Variants in HECTD4 observed in about 807,000 individuals in gnomAD.
HECTD4 encodes HECT domain E3 ubiquitin protein ligase 4.
HECTD4 carries 114 observed loss-of-function variants against 471.5 expected under a neutral mutation model. The ratio of observed to expected loss-of-function variants is 0.24; its 90% confidence interval spans 0.21 to 0.28. The LOEUF (loss-of-function observed/expected upper bound fraction) is 0.28, where lower values mean the gene tolerates loss of function less well. HECTD4 is among the 10% of genes least tolerant of loss of function. HECTD4 has a pLI of 1.00. For missense variants in HECTD4, 3,866 were observed against 5,651.5 expected, an observed-to-expected ratio of 0.68 and a Z score of 10.13; for synonymous variants, 2,012 against 2,256.0, an observed-to-expected ratio of 0.89 and a Z score of 3.07.
chr12:112,250,176 C>T lies in HECTD4; in HGVS notation c.3918G>A (p.Gly1306=), dbSNP rs1243712332. The T allele has an allele frequency of 1.2e-6, 2 of 1,613,894 alleles. No homozygotes were observed. Among genetic ancestry groups the T allele is most frequent in the Middle Eastern group, 1.6e-4 (1 of 6,062 alleles). The change falls in exon 25 of 76, where the codon GGG becomes GGA. Residue 1306 remains glycine (G), a synonymous_variant. Coordinates refer to ENST00000682272, the MANE Select transcript of HECTD4 (RefSeq NM_001388303.1). ...TTGGTCTAAATTGAGGTCTAGCACG[C>T]CCAGAAATTTCCCTGAGCTTTATCA... The part of the protein sequence containing the change: ...GIMIKLREIS[G]RARPQFRPSI...
intron 1 of HECTD4, among the ~76,000 whole-genome samples, chr12:112,335,167 G>GACACACAC (rs1441996873): frequency 7.9e-6 from 1 of 126,474 alleles, no homozygotes; most frequent in Non-Finnish European, 1.5e-5. Flanking sequence ...CACACACACA[G>GACACACAC]ACACACACAC....
intron 1 of HECTD4, among the ~76,000 whole-genome samples, chr12:112,333,378 G>A (rs2135717519): frequency 6.6e-6 from 1 of 152,330 alleles, no homozygotes; most frequent in South Asian, 2.1e-4. Context: ...ATGTATTTCT[G>A]ATTATAGTCA....
At chr12:112,338,393 G>A (rs1228634275) in intron 1 of HECTD4, among the ~76,000 whole-genome samples, 1 of 152,142 alleles carries the variant, frequency 6.6e-6, no homozygotes, top group East Asian at 1.9e-4. Flanking sequence ...GGCTCAAGTG[G>A]GCAGATCACT....
At position 112,235,342 on chromosome 12, in the gene HECTD4, G is replaced by T; in HGVS notation, c.5726-76C>A. 6.6e-7 allele frequency: 1 copy of T among 1,519,842 alleles called. No homozygotes were observed. 94.1% of individuals were successfully genotyped at this position (1,519,842 alleles called of 1,614,324 possible). On this transcript the variant is annotated intron_variant, in intron 36 of 75. Coordinates refer to ENST00000682272, the MANE Select transcript of HECTD4 (RefSeq NM_001388303.1). This position sits in a 1 kb window ranked among gnomAD's most constrained non-coding sequence, Gnocchi z 5.0. ...CGGCTCTGCTAAAATGAAAAATAAT[G>T]GTTTGGGATTTGGAATCTTTCTTCC...
chr12:112,247,988 A>G, intron 27 of HECTD4, 79 bp downstream of exon 27: 1 of 959,584 alleles, frequency 1.0e-6, no homozygotes, highest in Non-Finnish European at 1.6e-6. Context: ...ACACACACAC[A>G]CACACACACA....
chr12:112,215,789 GCCACCA>G (rs1378978690), intron 48 of HECTD4, among the ~76,000 whole-genome samples: 1 of 152,028 alleles, frequency 6.6e-6, no homozygotes, highest in African/African-American at 2.4e-5. Flanking sequence ...ACAGGCATGC[GCCACCA>G]CTAATTTTTG....
intron 35 of HECTD4, 77 bp downstream of exon 35, chr12:112,236,868 A>G (rs1480534658): frequency 7.5e-7 from 1 of 1,338,586 alleles, no homozygotes; most frequent in Non-Finnish European, 9.8e-7. Flanking sequence ...TGAAAAGACA[A>G]CCACCACCAA....
At chr12:112,212,074 G>T (rs1448384082) in intron 49 of HECTD4, among the ~76,000 whole-genome samples, 1 of 152,190 alleles carries the variant, frequency 6.6e-6, no homozygotes, top group East Asian at 1.9e-4. Context: ...TATGTATGAG[G>T]ATGCTGGTTA....
chr12:112,380,613 T>C (rs1406778758), intron 1 of HECTD4, among the ~76,000 whole-genome samples: 4 of 151,996 alleles, frequency 2.6e-5, no homozygotes, highest in African/African-American at 9.7e-5. Flanking sequence ...CAGGCCCAAA[T>C]GAGACACAAT....
At chr12:112,359,116 C>A (rs2036402441) in intron 1 of HECTD4, among the ~76,000 whole-genome samples, 1 of 151,108 alleles carries the variant, frequency 6.6e-6, no homozygotes. Flanking sequence ...GCAGAGGCTG[C>A]AATGAGTCGA....
At chr12:112,299,731 G>T (rs1187369800) in intron 7 of HECTD4, among the ~76,000 whole-genome samples, 1 of 152,108 alleles carries the variant, frequency 6.6e-6, no homozygotes, top group Non-Finnish European at 1.5e-5. Context: ...TCTCCAAAAA[G>T]ATTTTTTTAA....
chr12:112,256,288 G>A, intron 21 of HECTD4, 32 bp downstream of exon 21: 2 of 1,452,132 alleles, frequency 1.4e-6, no homozygotes, highest in Non-Finnish European at 1.8e-6. Context: ...CTTACTCGAG[G>A]TGGAACCAAT....
At chr12:112,285,973 T>C (rs1188560398) in intron 7 of HECTD4, among the ~76,000 whole-genome samples, 2 of 152,092 alleles carry the variant, frequency 1.3e-5, no homozygotes, top group Admixed American at 1.3e-4. Flanking sequence ...ACTTTAAGCT[T>C]GGCATTCAAA....
chr12:112,361,836 C>A (rs2036455149), intron 1 of HECTD4, among the ~76,000 whole-genome samples: 1 of 152,066 alleles, frequency 6.6e-6, no homozygotes, highest in South Asian at 2.1e-4. Context: ...AACGTGTATT[C>A]CAAAAACAAC....
At chr12:112,258,137 T>C (rs549769397) in intron 20 of HECTD4, among the ~76,000 whole-genome samples, 2 of 150,760 alleles carry the variant, frequency 1.3e-5, no homozygotes, top group African/African-American at 2.4e-5. Context: ...TGCAGTGAGC[T>C]GAGATTGCGC....
At chr12:112,227,950 A>G (rs1343575247) in intron 43 of HECTD4, 139 bp downstream of exon 43, 1 of 717,662 alleles carries the variant, frequency 1.4e-6, no homozygotes, top group East Asian at 2.9e-5. Context: ...CTGTAAAAGA[A>G]TGGTTACTGT....
intron 7 of HECTD4, among the ~76,000 whole-genome samples, chr12:112,286,306 A>G (rs2034752161): frequency 6.6e-6 from 1 of 152,230 alleles, no homozygotes; most frequent in Non-Finnish European, 1.5e-5. Flanking sequence ...TTATTAGACC[A>G]GCCTCCCAAC....
At chr12:112,170,612 C>A (rs2031177692) in intron 68 of HECTD4, 160 bp from the exon 69 acceptor site, 3 of 789,634 alleles carry the variant, frequency 3.8e-6, no homozygotes, top group Non-Finnish European at 4.0e-6. Flanking sequence ...AGCATCCGCC[C>A]AGCATATACC....
chr12:112,337,389 T>C (rs1335618998), intron 1 of HECTD4, among the ~76,000 whole-genome samples: 1 of 152,164 alleles, frequency 6.6e-6, no homozygotes, highest in Non-Finnish European at 1.5e-5. Context: ...TATGCACAAA[T>C]ATACTATCTA....
Sources: gnomAD v4.1 joint callset for allele counts (sites outside exome capture counted in the v4.1 genomes callset) on GRCh38, gnomAD v4.1.1 for gene constraint, Gnocchi (gnomAD v3.1) non-coding constraint, MANE v1.5 for transcripts, NCBI Gene and HGNC (gene_info 2026-07-23, HGNC 2026-07-21) for gene names.